The following RSPO2 variants were observed in gnomAD, a reference collection of about 807,000 sequenced individuals.
The protein encoded by RSPO2 is R-spondin-2.
RSPO2 carries 14 observed loss-of-function variants against 30.9 expected under a neutral mutation model. The ratio of observed to expected loss-of-function variants is 0.45; its 90% CI spans 0.30 to 0.71. The LOEUF is 0.71. RSPO2 is among the 30% of genes least tolerant of loss of function. The pLI, the probability that RSPO2 is intolerant of heterozygous loss-of-function variation, is 0.08. For synonymous variants in RSPO2, 107 were observed against 96.4 expected (o/e 1.11, Z -0.64); for missense variants, 264 against 301.9 (o/e 0.87, Z 0.93).
intron 3 of RSPO2, among the ~76,000 whole-genome samples, chr8:107,967,509 T>C (rs1213926588): frequency 6.6e-6 from 1 of 152,176 alleles, no homozygotes; most frequent in Non-Finnish European, 1.5e-5. Context: ...CACAGCTCAT[T>C]AGAACTTCAT....
intron 2 of RSPO2, among the ~76,000 whole-genome samples, chr8:108,043,370 C>T (rs1390345679): frequency 6.6e-6 from 1 of 152,076 alleles, no homozygotes; most frequent in African/African-American, 2.4e-5. Flanking sequence ...CACTGGTCTG[C>T]CCATATAGAG....
intron 2 of RSPO2, among the ~76,000 whole-genome samples, chr8:108,055,338 C>G (rs942808839): frequency 5.3e-5 from 8 of 152,016 alleles, no homozygotes; most frequent in African/African-American, 1.7e-4. Context: ...TTGGAGGAGG[C>G]AGAGGCAGAC....
intron 2 of RSPO2, among the ~76,000 whole-genome samples, chr8:108,050,156 C>T (rs572078808): frequency 2.1e-3 from 321 of 152,224 alleles, no homozygotes; most frequent in Non-Finnish European, 3.2e-3. Flanking sequence ...CATTAGGAAA[C>T]CTTCAGTATC....
At chr8:108,072,696 C>T (rs1812897261) in intron 2 of RSPO2, among the ~76,000 whole-genome samples, 1 of 151,780 alleles carries the variant, frequency 6.6e-6, no homozygotes, top group Admixed American at 6.6e-5. Flanking sequence ...GGAATAAGAA[C>T]TTAAAAATAC....
chr8:108,070,316 C>T (rs190448453), intron 2 of RSPO2, among the ~76,000 whole-genome samples: 3 of 128,548 alleles, frequency 2.3e-5, no homozygotes, highest in Admixed American at 8.9e-5. Context: ...GACAGAGTCT[C>T]GCTCTGTCGC....
At chr8:107,987,690 G>C (rs981024083) in intron 3 of RSPO2, among the ~76,000 whole-genome samples, 3 of 152,096 alleles carry the variant, frequency 2.0e-5, no homozygotes, top group African/African-American at 2.4e-5. Flanking sequence ...GAGAGTTCTT[G>C]TTCCCCAAAT....
At chr8:108,027,524 T>C (rs548298158) in intron 2 of RSPO2, among the ~76,000 whole-genome samples, 70 of 152,322 alleles carry the variant, frequency 4.6e-4, no homozygotes, top group African/African-American at 1.6e-3. Flanking sequence ...ATGCATTCTT[T>C]ATTACCAAAG....
chr8:108,007,884 G>A (rs1276181982), intron 2 of RSPO2, among the ~76,000 whole-genome samples: 3 of 151,960 alleles, frequency 2.0e-5, no homozygotes, highest in East Asian at 1.9e-4. Flanking sequence ...AGGCTGCAGC[G>A]CACCATAATT....
At chr8:107,994,243 C>T (rs879408019) in intron 2 of RSPO2, among the ~76,000 whole-genome samples, 32 of 152,036 alleles carry the variant, frequency 2.1e-4, no homozygotes, top group Admixed American at 3.9e-4. Context: ...AATTAATATG[C>T]ATAATTTACA....
chr8:107,943,825 A>T (rs1297658679), intron 5 of RSPO2, among the ~76,000 whole-genome samples: 2 of 152,216 alleles, frequency 1.3e-5, no homozygotes, highest in Admixed American at 6.5e-5. Context: ...TCACCATGTA[A>T]AAGACAAGAA....
At chr8:107,909,709 T>C (rs1811762171) in intron 5 of RSPO2, among the ~76,000 whole-genome samples, 1 of 152,216 alleles carries the variant, frequency 6.6e-6, no homozygotes. Flanking sequence ...CTGTATGAAC[T>C]GGTAAATTCT....
chr8:107,947,213 A>T (rs1813092094), intron 5 of RSPO2, among the ~76,000 whole-genome samples: 1 of 152,182 alleles, frequency 6.6e-6, no homozygotes, highest in Non-Finnish European at 1.5e-5. Flanking sequence ...TTGTAGGAAC[A>T]TTTTCATCCT....
At chr8:107,982,009 C>CAAAAAAAA (rs372977834) in intron 3 of RSPO2, among the ~76,000 whole-genome samples, 116 of 55,356 alleles carry the variant, frequency 2.1e-3, no homozygotes, top group African/African-American at 4.5e-3. Flanking sequence ...ACAACAACAA[C>CAAAAAAAA]AAAAAAAAAA....
At chr8:108,011,925 TAC>T in intron 2 of RSPO2, among the ~76,000 whole-genome samples, 1 of 152,330 alleles carries the variant, frequency 6.6e-6, no homozygotes, top group African/African-American at 2.4e-5. Flanking sequence ...TTAGGCAAAG[TAC>T]ACAGAGCTGA....
At chr8:108,027,816 G>A (rs184465732) in intron 2 of RSPO2, among the ~76,000 whole-genome samples, 43 of 152,084 alleles carry the variant, frequency 2.8e-4, no homozygotes, top group African/African-American at 9.2e-4. Flanking sequence ...AACAGTCCCC[G>A]AGCTTCTTTC....
chr8:107,994,847 G>C (rs569840316), intron 2 of RSPO2, among the ~76,000 whole-genome samples: 1 of 152,086 alleles, frequency 6.6e-6, no homozygotes, highest in South Asian at 2.1e-4. Context: ...GCAATAAGTG[G>C]TCAGACTGGC....
At chr8:107,956,846 T>C (rs1813449322) in intron 5 of RSPO2, among the ~76,000 whole-genome samples, 3 of 152,210 alleles carry the variant, frequency 2.0e-5, no homozygotes, top group Non-Finnish European at 4.4e-5. Context: ...ATCCAAGAAG[T>C]GGCTTATTAG....
At chr8:107,911,203 T>C (rs1459178681) in intron 5 of RSPO2, among the ~76,000 whole-genome samples, 4 of 151,304 alleles carry the variant, frequency 2.6e-5, no homozygotes, top group African/African-American at 9.8e-5. Flanking sequence ...TTGGCTTACC[T>C]CCCTCTTATA....
At chr8:107,924,053 C>A in intron 5 of RSPO2, among the ~76,000 whole-genome samples, 1 of 151,090 alleles carries the variant, frequency 6.6e-6, no homozygotes. Context: ...ACAAGTTTAC[C>A]CATATAACAA....
Sources: gnomAD v4.1 joint callset for allele counts (sites outside exome capture counted in the v4.1 genomes callset) on GRCh38, gnomAD v4.1.1 for gene constraint, MANE v1.5 for transcripts, NCBI Gene and HGNC (gene_info 2026-07-23, HGNC 2026-07-21) for gene names.